CALM3: variants seen among roughly 807,000 people sequenced by gnomAD.
CALM3 encodes calmodulin-3.
Under a neutral mutation model 20.1 loss-of-function variants are expected in CALM3, and 5 were observed. That is an observed-to-expected ratio of 0.25 (90% CI 0.13 to 0.52). CALM3 has a LOEUF of 0.52. Among genes scored for constraint, CALM3 ranks in the 20% least tolerant of loss-of-function variants. CALM3 has a pLI of 0.96. For missense variants in CALM3, 57 were observed against 192.8 expected, an observed-to-expected ratio of 0.30 and a Z score of 4.17; for synonymous variants, 69 against 68.1, an observed-to-expected ratio of 1.01 and a Z score of -0.06.
intron 2 of CALM3, chr19:46,606,190 G>C: frequency 3.5e-6 from 1 of 285,252 alleles, no homozygotes; most frequent in East Asian, 1.0e-4. Flanking sequence ...TAGAAGGTGA[G>C]CTCCCTGCCT....
In CALM3 at chr19:46,608,675, C is replaced by T. The variant is rs968260162; in HGVS notation, c.285+87C>T. 7.6e-6 allele frequency: 10 copies of T among 1,317,974 alleles called. No homozygotes were observed. The Admixed American group carries it at 1.9e-4, about 25-fold the overall frequency. 81.6% of individuals were successfully genotyped at this position (1,317,974 alleles called of 1,614,324 possible). A position where few individuals can be genotyped will look rare whatever the true frequency, so the allele number is the denominator to read the frequency against. ...AACTGGAGCCACGGAGCTACCACTT[C>T]CAGGAGGTCCGGGTCCCGGTGCCAG... On this transcript the variant is annotated intron_variant, in intron 4 of 5. Transcript: ENST00000291295. The surrounding 1 kb of genome is among the most constrained non-coding windows in gnomAD (Gnocchi z 5.5).
In CALM3 at chr19:46,608,358, C is replaced by T. The variant is rs180722019; in HGVS notation, c.178+18C>T. On this transcript the variant is annotated intron_variant, in intron 3 of 5. Coordinates refer to ENST00000291295, the MANE Select transcript of CALM3 (RefSeq NM_005184.4). This position sits in a 1 kb window ranked among gnomAD's most constrained non-coding sequence, Gnocchi z 5.5. ...TGCAGATGGTGAGCCCCACAGAGCGCGTGGGCAGCCCTGCTCCTGGTCACC... is the reference window on the plus strand; with the variant it reads ...TGCAGATGGTGAGCCCCACAGAGCGTGTGGGCAGCCCTGCTCCTGGTCACC... The T allele has an allele frequency of 2.3e-4, 377 of 1,613,410 alleles. 1 individual carries two copies. In the African/African-American group the frequency reaches 4.1e-3, roughly 18 times the overall value.
Position 46,601,467 on chromosome 19 carries a change from G to A in CALM3, c.3+30G>A. 1 of 1,487,552 alleles carries A rather than the reference G, an allele frequency of 6.7e-7. No homozygotes were observed. The highest frequency in any genetic ancestry group is 8.9e-7 in the Non-Finnish European group (1 of 1,118,426). 92.1% of individuals were successfully genotyped at this position (1,487,552 alleles called of 1,614,324 possible). On this transcript the variant is annotated intron_variant, in intron 1 of 5. Coordinates refer to ENST00000291295, the MANE Select transcript of CALM3 (RefSeq NM_005184.4). The surrounding 1 kb of genome is among the most constrained non-coding windows in gnomAD (Gnocchi z 4.2). ...GTGAGGCTGGGGGGTCGCCGAGGCT[G>A]CGGGCTCTGAGGCGGGCTTAACGGG...
Position 46,608,926 on chromosome 19 carries a change from G to A in CALM3, c.366G>A (p.Val122=), listed in dbSNP as rs1261825623. The A allele has an allele frequency of 2.5e-6, 4 of 1,609,790 alleles. No individual in the cohort carries two copies. Among genetic ancestry groups the A allele is most frequent in the Non-Finnish European group, 3.4e-6 (4 of 1,177,980 alleles). The change falls in exon 5 of 6, where the codon GTG becomes GTA. Residue 122 remains valine (V), a synonymous_variant. Coordinates refer to ENST00000291295, the MANE Select transcript of CALM3 (RefSeq NM_005184.4). The surrounding 1 kb of genome is among the most constrained non-coding windows in gnomAD (Gnocchi z 5.5). ...NLGEKLTDEE[V]DEMIREADID... is the part of the protein sequence containing the mutation. ...GGGAGAAGCTGACCGATGAGGAGGT[G>A]GATGAGATGATCAGGGAGGCTGACA...
chr19:46,608,460 C>G lies in CALM3; in HGVS notation c.179-22C>G, dbSNP rs1218876446. 1.2e-6 allele frequency: 2 copies of G among 1,611,012 alleles called. No homozygotes were observed. Among genetic ancestry groups the G allele is most frequent in the Admixed American group, 1.7e-5 (1 of 60,008 alleles). On this transcript the variant is annotated intron_variant, in intron 3 of 5. Transcript: ENST00000291295. This position sits in a 1 kb window ranked among gnomAD's most constrained non-coding sequence, Gnocchi z 5.5. ...TCAGGGCCCAGGCCAAGAGCATTCT[C>G]CATCCTTTCCCCACCTTCCAGGGAA...
Position 46,605,902 on chromosome 19 carries a change from A to G in CALM3, c.34+45A>G, listed in dbSNP as rs919680694. On this transcript the variant is annotated intron_variant, in intron 2 of 5. Coordinates refer to ENST00000291295, the MANE Select transcript of CALM3 (RefSeq NM_005184.4). This position sits in a 1 kb window ranked among gnomAD's most constrained non-coding sequence, Gnocchi z 4.1. ...CATCTTAGCTCAGGAAAGCCTCCAC[A>G]TCCCCAGCCAAATCTTAGCCACTGA... 8 of 1,588,434 alleles carry G rather than the reference A, an allele frequency of 5.0e-6. No individual in the cohort carries two copies. The highest frequency in any genetic ancestry group is 1.7e-5 in the Admixed American group (1 of 59,972).
chr19:46,609,864 C>T lies in CALM3; in HGVS notation c.*711C>T, dbSNP rs1971836138. On this transcript the variant is annotated 3_prime_UTR_variant, in exon 6 of 6. Transcript: ENST00000291295. ...GAGGTTTGGCTGGGTGGGGACTGCTCATTTGGCCACTCTGCAAATTGGACT... is the reference window on the plus strand; with the variant it reads ...GAGGTTTGGCTGGGTGGGGACTGCTTATTTGGCCACTCTGCAAATTGGACT... 6.5e-6 allele frequency: 1 copy of T among 152,914 alleles called. No individual in the cohort carries two copies. Among genetic ancestry groups the T allele is most frequent in the South Asian group, 2.1e-4 (1 of 4,854 alleles). The allele number at this position is 152,914 out of a possible 1,614,324, so 9.5% of individuals were successfully genotyped here.
upstream of CALM3, chr19:46,601,171 C>G: frequency 1.8e-6 from 1 of 550,880 alleles, no homozygotes; most frequent in Non-Finnish European, 3.0e-6. The surrounding 1 kb of genome is among the most constrained non-coding windows in gnomAD (Gnocchi z 4.2). Context: ...ATTCGCGGGC[C>G]CGTAGGTGTG....
Position 46,608,875 on chromosome 19 carries a change from G to A in CALM3, c.315G>A (p.Glu105=). The A allele has an allele frequency of 1.3e-6, 2 of 1,591,200 alleles. No individual in the cohort carries two copies. Among genetic ancestry groups the A allele is most frequent in the South Asian group, 1.2e-5 (1 of 86,518 alleles). Residue 105 remains glutamate, a synonymous_variant, in exon 5 of 6, where the codon GAG becomes GAA. Transcript: ENST00000291295. The surrounding 1 kb of genome is among the most constrained non-coding windows in gnomAD (Gnocchi z 5.5). ...KDGNGYISAA[E]LRHVMTNLGE... is the part of the protein sequence containing the mutation. ...GGAATGGCTACATCAGCGCCGCAGA[G>A]CTGCGTCACGTAATGACGAACCTGG...
In CALM3 at chr19:46,610,319, C is replaced by G. The variant is rs1322331351; in HGVS notation, c.*1166C>G. ...TCTTCCCTGCCTCTTCCCTCGCCCA[C>G]CTGCCTGCCCCCATACTCCCCCAGC... is the stretch of plus-strand genomic sequence containing the variant. On this transcript the variant is annotated 3_prime_UTR_variant, in exon 6 of 6. Transcript: ENST00000291295. The G allele has an allele frequency of 6.5e-6, 1 of 152,776 alleles. No individual in the cohort carries two copies. Among genetic ancestry groups the G allele is most frequent in the East Asian group, 1.9e-4 (1 of 5,202 alleles). The allele number at this position is 152,776 out of a possible 1,614,324, so 9.5% of individuals were successfully genotyped here.
chr19:46,601,090 G>C (rs1378324226), upstream of CALM3: 1 of 1,070,978 alleles, frequency 9.3e-7, no homozygotes, highest in Non-Finnish European at 1.3e-6. This position sits in a 1 kb window ranked among gnomAD's most constrained non-coding sequence, Gnocchi z 4.2. Context: ...AGGGAAAGTA[G>C]TCCGGCGACG....
rs3729759 is a variant in CALM3 at position 46,608,388 on chromosome 19, G to C, written c.178+48G>C. 6.2e-7 allele frequency: 1 copy of C among 1,612,224 alleles called. No homozygotes were observed. The highest frequency in any genetic ancestry group is 8.5e-7 in the Non-Finnish European group (1 of 1,178,554). ...GCAGCCCTGCTCCTGGTCACCCCGA[G>C]TGACTGCAGGGAGCCTCTCTCAGGG... is the stretch of plus-strand genomic sequence containing the variant. On this transcript the variant is annotated intron_variant, in intron 3 of 5. Transcript: ENST00000291295. The surrounding 1 kb of genome is among the most constrained non-coding windows in gnomAD (Gnocchi z 5.5).
Position 46,608,570 on chromosome 19 carries a change from G to A in CALM3, c.267G>A (p.Ala89=), listed in dbSNP as rs115265989. 434 of 1,613,526 alleles carry A rather than the reference G, an allele frequency of 2.7e-4. 1 individual carries two copies. The African/African-American group carries it at 4.8e-3, about 18-fold the overall frequency. ...DTDSEEEIRE[A]FRVFDKDGNG... is the part of the protein sequence containing the mutation. Reference sequence around the variant, plus strand: ...ACAGTGAGGAGGAGATCCGAGAGGCGTTCCGTGTCTTTGACAAGGTAAGCA... The same window carrying A: ...ACAGTGAGGAGGAGATCCGAGAGGCATTCCGTGTCTTTGACAAGGTAAGCA... Residue 89 remains alanine (A), a synonymous_variant, in exon 4 of 6, where the codon GCG becomes GCA. Transcript: ENST00000291295. The surrounding 1 kb of genome is among the most constrained non-coding windows in gnomAD (Gnocchi z 5.5).
Position 46,610,493 on chromosome 19 carries a change from T to G in CALM3, c.*1340T>G, listed in dbSNP as rs1017525532. The G allele has an allele frequency of 1.0e-3, 8 of 7,716 alleles. No homozygotes were observed. The highest frequency in any genetic ancestry group is 2.1e-3 in the Non-Finnish European group (7 of 3,352). The allele number at this position is 7,716 out of a possible 1,614,324, so 0.5% of individuals were successfully genotyped here. A position where few individuals can be genotyped will look rare whatever the true frequency, so the allele number is the denominator to read the frequency against. ...CCTCCCCACCCCACCCCCCACCCCC[T>G]GCTTCCCCTCACTGCCCAGGTCGAT... On this transcript the variant is annotated 3_prime_UTR_variant, in exon 6 of 6. Coordinates refer to ENST00000291295, the MANE Select transcript of CALM3 (RefSeq NM_005184.4).
In CALM3 at chr19:46,609,983, G is replaced by C. The variant is rs534038664; in HGVS notation, c.*830G>C. ...CTCCTCACGATGCACCCACCGCCCTGAGGGCCCGTCCTAGGAATGGATGTG... is the reference window on the plus strand; with the variant it reads ...CTCCTCACGATGCACCCACCGCCCTCAGGGCCCGTCCTAGGAATGGATGTG... On this transcript the variant is annotated 3_prime_UTR_variant, in exon 6 of 6. Coordinates refer to ENST00000291295, the MANE Select transcript of CALM3 (RefSeq NM_005184.4). 2 of 152,746 alleles carry C rather than the reference G, an allele frequency of 1.3e-5. No homozygotes were observed. The highest frequency in any genetic ancestry group is 2.9e-5 in the Non-Finnish European group (2 of 68,132). 9.5% of individuals were successfully genotyped at this position (152,746 alleles called of 1,614,324 possible). A position where few individuals can be genotyped will look rare whatever the true frequency, so the allele number is the denominator to read the frequency against.
intron 1 of CALM3, among the ~76,000 whole-genome samples, chr19:46,604,950 C>T (rs1017186212): frequency 1.3e-5 from 2 of 152,010 alleles, no homozygotes; most frequent in Non-Finnish European, 2.9e-5. Flanking sequence ...CACACCAGTG[C>T]AGGAGAAGCC....
Position 46,608,601 on chromosome 19 carries a change from C to T in CALM3, c.285+13C>T. The T allele has an allele frequency of 1.3e-6, 2 of 1,591,032 alleles. No homozygotes were observed. The highest frequency in any genetic ancestry group is 1.7e-6 in the Non-Finnish European group (2 of 1,159,088). On this transcript the variant is annotated intron_variant, in intron 4 of 5. Coordinates refer to ENST00000291295, the MANE Select transcript of CALM3 (RefSeq NM_005184.4). The surrounding 1 kb of genome is among the most constrained non-coding windows in gnomAD (Gnocchi z 5.5). ...TGTCTTTGACAAGGTAAGCAGCCCT[C>T]TCCAGGGGCGGCTCTGAGACTGACG...
chr19:46,604,381 GCCTCCCCA>G (rs1402960883), intron 1 of CALM3, among the ~76,000 whole-genome samples: 2 of 151,786 alleles, frequency 1.3e-5, no homozygotes, highest in Non-Finnish European at 2.9e-5. Context: ...TCTTCATTTG[GCCTCCCCA>G]CCTCCCCTTT....
In CALM3 at chr19:46,608,965, C is replaced by A. The variant is rs1971806607; in HGVS notation, c.405C>A (p.Gly135=). 1 of 1,603,916 alleles carries A rather than the reference C, an allele frequency of 6.2e-7. No individual in the cohort carries two copies. The highest frequency in any genetic ancestry group is 8.5e-7 in the Non-Finnish European group (1 of 1,174,916). The change falls in exon 5 of 6, where the codon GGC becomes GGA. Residue 135 remains glycine, a synonymous_variant. Transcript: ENST00000291295. The surrounding 1 kb of genome is among the most constrained non-coding windows in gnomAD (Gnocchi z 5.5). The part of the protein sequence containing the change: ...MIREADIDGD[G]QVNYEEFVQM... ...GGGAGGCTGACATCGATGGAGATGG[C>A]CAGGTCAATTATGAAGGTGAGTCAA...
Sources: gnomAD v4.1 joint callset for allele counts (sites outside exome capture counted in the v4.1 genomes callset) on GRCh38, gnomAD v4.1.1 for gene constraint, Gnocchi (gnomAD v3.1) non-coding constraint, MANE v1.5 for transcripts, NCBI Gene and HGNC (gene_info 2026-07-23, HGNC 2026-07-21) for gene names.